TTC17: variants seen among roughly 807,000 people sequenced by gnomAD.
TTC17 encodes the protein tetratricopeptide repeat domain 17, also known as tetratricopeptide repeat protein 17.
A neutral mutation model predicts 143.8 loss-of-function variants in TTC17; 58 were observed. The ratio of observed to expected loss-of-function variants is 0.40; its 90% confidence interval spans 0.33 to 0.50. The LOEUF (loss-of-function observed/expected upper bound fraction) is 0.50. Ranked by LOEUF, TTC17 falls within the 20% of genes least tolerant of loss-of-function variation. TTC17 has a pLI of 0.49. For missense variants in TTC17, 1,273 were observed against 1,392.5 expected, an observed-to-expected ratio of 0.91 and a Z score of 1.37; for synonymous variants, 501 against 497.8, an observed-to-expected ratio of 1.01 and a Z score of -0.09.
chr11:43,477,872 T>G (rs1257272087), intron 21 of TTC17, among the ~76,000 whole-genome samples: 1 of 152,188 alleles, frequency 6.6e-6, no homozygotes, highest in East Asian at 1.9e-4. Context: ...AATATTACGA[T>G]TAATAAACTG....
At chr11:43,373,352 C>G (rs1856642648) in intron 1 of TTC17, among the ~76,000 whole-genome samples, 1 of 144,410 alleles carries the variant, frequency 6.9e-6, no homozygotes, top group African/African-American at 2.6e-5. Flanking sequence ...GAGACAGAGT[C>G]TCGATCTGTC....
rs1238754450 is a variant in TTC17, at chr11:43,450,808, G to GA, written c.2947-367dup. ...TACAGTGTAATTCAATATTTTGTGA[G>GA]AAAAAAATGTACATAGAAAAATATC... On this transcript the variant is annotated intron_variant, in intron 20 of 23. Transcript: ENST00000039989. Among the ~76,000 whole-genome samples, 4 of 152,104 alleles carry GA rather than the reference G, an allele frequency of 2.6e-5. No homozygotes were observed. In the East Asian group the frequency reaches 5.8e-4, roughly 22 times the overall value.
chr11:43,453,263 T>C (rs1052619802), intron 21 of TTC17, among the ~76,000 whole-genome samples: 3 of 152,198 alleles, frequency 2.0e-5, no homozygotes, highest in South Asian at 4.1e-4. Context: ...TTGAGTCTTA[T>C]TCTATTTCTA....
chr11:43,484,391 A>G (rs1382305697), intron 21 of TTC17, among the ~76,000 whole-genome samples: 1 of 152,226 alleles, frequency 6.6e-6, no homozygotes, highest in Non-Finnish European at 1.5e-5. Context: ...TTCTCAATAA[A>G]TCTTACAAAA....
intron 2 of TTC17, among the ~76,000 whole-genome samples, chr11:43,382,425 T>C (rs911120663): frequency 3.3e-5 from 5 of 152,150 alleles, no homozygotes; most frequent in Admixed American, 1.3e-4. Context: ...ATTAATAATA[T>C]GTAGTTGGGT....
intron 16 of TTC17, among the ~76,000 whole-genome samples, chr11:43,416,823 G>A (rs925538233): frequency 2.6e-5 from 4 of 152,028 alleles, no homozygotes; most frequent in Non-Finnish European, 5.9e-5. Flanking sequence ...CTTAATCCTG[G>A]AATATATTCT....
At chr11:43,477,573 C>A (rs967414966) in intron 21 of TTC17, among the ~76,000 whole-genome samples, 1 of 152,100 alleles carries the variant, frequency 6.6e-6, no homozygotes, top group African/African-American at 2.4e-5. Flanking sequence ...AAAGCAGAAA[C>A]CCCTGATAAA....
intron 21 of TTC17, among the ~76,000 whole-genome samples, chr11:43,465,028 T>A (rs1947942983): frequency 6.6e-6 from 1 of 152,118 alleles, no homozygotes; most frequent in Non-Finnish European, 1.5e-5. Context: ...GACAAGAGGC[T>A]TTTGGTGACT....
intron 1 of TTC17, among the ~76,000 whole-genome samples, chr11:43,371,772 A>G (rs1039045611): frequency 2.6e-5 from 4 of 152,208 alleles, no homozygotes; most frequent in Non-Finnish European, 4.4e-5. Flanking sequence ...TCAACTCACT[A>G]CTGTACAAAA....
intron 16 of TTC17, among the ~76,000 whole-genome samples, chr11:43,420,840 C>G (rs1036534387): frequency 3.3e-5 from 5 of 152,144 alleles, no homozygotes; most frequent in African/African-American, 1.2e-4. Context: ...GATCTTTTCA[C>G]AGCTATTCAT....
At chr11:43,436,213 T>C (rs1324068859) in intron 16 of TTC17, 11 of 1,476,612 alleles carry the variant, frequency 7.4e-6, no homozygotes, top group Non-Finnish European at 9.0e-6. Context: ...AACAGAAATA[T>C]TTTGACAACT....
intron 16 of TTC17, among the ~76,000 whole-genome samples, chr11:43,438,247 T>A (rs1457693170): frequency 6.6e-6 from 1 of 152,146 alleles, no homozygotes; most frequent in Non-Finnish European, 1.5e-5. Context: ...AACCTCCACT[T>A]CCCGTGTTCA....
At chr11:43,429,377 C>T (rs17594050) in intron 16 of TTC17, among the ~76,000 whole-genome samples, 27,008 of 152,128 alleles carry the variant, frequency 0.18, 2,994 homozygotes, top group Non-Finnish European at 0.24. Flanking sequence ...CTGTTACAAC[C>T]TCTGGAGGTG....
At chr11:43,481,684 A>T (rs1226521118) in intron 21 of TTC17, among the ~76,000 whole-genome samples, 1 of 152,104 alleles carries the variant, frequency 6.6e-6, no homozygotes, top group East Asian at 1.9e-4. Context: ...TTTTCTTATC[A>T]TCCTTTTACT....
intron 16 of TTC17, chr11:43,436,377 A>G (rs549690179): frequency 5.7e-6 from 7 of 1,235,812 alleles, no homozygotes; most frequent in South Asian, 3.9e-5. Flanking sequence ...GGAAAAATCA[A>G]CTCTCAAGCT....
At position 43,407,135 on chromosome 11, in the gene TTC17, C is replaced by A; in HGVS notation, c.1762-3C>A. 1.3e-6 allele frequency: 2 copies of A among 1,564,432 alleles called. No individual in the cohort carries two copies. Among genetic ancestry groups the A allele is most frequent in the South Asian group, 2.4e-5 (2 of 83,498 alleles). ...TGAGTCAGTCTTCCTTTTGATGTTT[C>A]AGATTTTGCTTTCCCGTATTAATAA... On this transcript the variant is annotated splice_polypyrimidine_tract_variant and splice_region_variant and intron_variant, in intron 13 of 23. Coordinates refer to ENST00000039989, the MANE Select transcript of TTC17 (RefSeq NM_018259.6).
intron 16 of TTC17, among the ~76,000 whole-genome samples, chr11:43,418,744 CTT>C: frequency 6.6e-6 from 1 of 151,972 alleles, no homozygotes; most frequent in South Asian, 2.1e-4. Flanking sequence ...TGGAAAATAA[CTT>C]TTAATAACAA....
At chr11:43,373,764 A>C (rs1259070351) in intron 1 of TTC17, among the ~76,000 whole-genome samples, 3 of 152,254 alleles carry the variant, frequency 2.0e-5, no homozygotes. Flanking sequence ...GCTAGTAAAA[A>C]TGTGATACTT....
intron 16 of TTC17, among the ~76,000 whole-genome samples, chr11:43,432,180 T>C (rs1167308560): frequency 1.3e-5 from 2 of 152,236 alleles, no homozygotes; most frequent in Admixed American, 6.5e-5. Flanking sequence ...TTTGAAAAAC[T>C]GTTTAGCCAC....
Sources: gnomAD v4.1 joint callset for allele counts (sites outside exome capture counted in the v4.1 genomes callset) on GRCh38, gnomAD v4.1.1 for gene constraint, MANE v1.5 for transcripts, NCBI Gene and HGNC (gene_info 2026-07-23, HGNC 2026-07-21) for gene names.